Variants in MOCOS observed in about 807,000 individuals in gnomAD.
The protein encoded by MOCOS is human molybdenum cofactor sulfurase.
MOCOS carries 86 observed loss-of-function variants against 83.6 expected under a neutral mutation model. That is an observed-to-expected ratio of 1.03 (90% CI 0.86 to 1.23). MOCOS has a LOEUF of 1.23. Ranked by LOEUF, MOCOS falls within the 50% of genes most tolerant of loss-of-function variation. MOCOS has a pLI of 0.00. For missense variants in MOCOS, 1,120 were observed against 1,126.9 expected (o/e 0.99, Z 0.09); for synonymous variants, 445 against 434.7 (o/e 1.02, Z -0.29).
At position 36,256,948 on chromosome 18, in the gene MOCOS, A is replaced by C. The variant is rs766563889; in HGVS notation, c.2165-20A>C. On this transcript the variant is annotated intron_variant, in intron 11 of 14. Coordinates refer to ENST00000261326, the MANE Select transcript of MOCOS (RefSeq NM_017947.4). Reference sequence around the variant, plus strand: ...ATTCTGAGAAAGCAACTCTTCTTTTAAATGCTCCATCATTTTCAGATCAAC... The same window carrying C: ...ATTCTGAGAAAGCAACTCTTCTTTTCAATGCTCCATCATTTTCAGATCAAC... 6.3e-7 allele frequency: 1 copy of C among 1,590,320 alleles called. No individual in the cohort carries two copies. The highest frequency in any genetic ancestry group is 1.1e-5 in the South Asian group (1 of 90,638).
At chr18:36,201,677 A>AAAAAAAAAAAC (rs2091415469) in intron 4 of MOCOS, among the ~76,000 whole-genome samples, 1 of 151,146 alleles carries the variant, frequency 6.6e-6, no homozygotes, top group Non-Finnish European at 1.5e-5. Flanking sequence ...AAAAAAAAAA[A>AAAAAAAAAAAC]AAGAAATGAT....
intron 9 of MOCOS, among the ~76,000 whole-genome samples, chr18:36,224,954 C>T (rs1304335110): frequency 6.6e-6 from 1 of 152,110 alleles, no homozygotes; most frequent in Non-Finnish European, 1.5e-5. Context: ...TAGGTTTGCT[C>T]AGGCTTTATT....
intron 10 of MOCOS, among the ~76,000 whole-genome samples, chr18:36,250,843 A>G (rs2091619157): frequency 6.6e-6 from 1 of 152,204 alleles, no homozygotes; most frequent in Non-Finnish European, 1.5e-5. Flanking sequence ...TCTGAAAGCA[A>G]CATATCACTC....
chr18:36,208,479 G>A (rs189429781), intron 6 of MOCOS, among the ~76,000 whole-genome samples: 9 of 151,976 alleles, frequency 5.9e-5, no homozygotes, highest in East Asian at 1.9e-4. Flanking sequence ...TTCTTTTAGC[G>A]GTATTCTGTA....
chr18:36,205,895 A>T (rs1313454201), intron 6 of MOCOS, among the ~76,000 whole-genome samples: 1 of 151,908 alleles, frequency 6.6e-6, no homozygotes, highest in Non-Finnish European at 1.5e-5. Flanking sequence ...ACACACCACC[A>T]CACCTGGCTA....
chr18:36,254,864 A>G (rs1388432701), intron 11 of MOCOS, among the ~76,000 whole-genome samples: 3 of 151,998 alleles, frequency 2.0e-5, no homozygotes, highest in Non-Finnish European at 4.4e-5. Context: ...GTGCTAGGAA[A>G]TTTCTTCTGC....
In MOCOS at chr18:36,215,349, G is replaced by A. The variant is rs148026809; in HGVS notation, c.1336-167G>A. On this transcript the variant is annotated intron_variant, in intron 7 of 14. Transcript: ENST00000261326. ...AATGAGATCCAGAAAGTGGTCCCCT[G>A]CAGGTAGAGAGCTGAACTATGTCCC... 1.0e-3 allele frequency among the ~76,000 whole-genome samples: 154 copies of A among 152,304 alleles called. 1 individual carries two copies. Among genetic ancestry groups the A allele is most frequent in the East Asian group, 9.6e-4 (5 of 5,184 alleles).
intron 9 of MOCOS, among the ~76,000 whole-genome samples, chr18:36,222,453 T>C (rs1286146397): frequency 6.6e-6 from 1 of 152,198 alleles, no homozygotes; most frequent in East Asian, 1.9e-4. Context: ...GGTAGAGTGA[T>C]ATCTCATTTT....
chr18:36,189,840 C>G (rs1023610706), intron 1 of MOCOS: 1 of 152,174 alleles, frequency 6.6e-6, no homozygotes, highest in African/African-American at 2.4e-5. Flanking sequence ...ACCTGTGTCC[C>G]GAGCATTGGA....
At chr18:36,202,425 C>T (rs1282329237) in intron 4 of MOCOS, among the ~76,000 whole-genome samples, 1 of 152,030 alleles carries the variant, frequency 6.6e-6, no homozygotes, top group Non-Finnish European at 1.5e-5. Context: ...AACTCTTGGC[C>T]TCAAGTGATC....
chr18:36,237,504 C>G (rs2091563936), intron 9 of MOCOS, among the ~76,000 whole-genome samples: 1 of 152,188 alleles, frequency 6.6e-6, no homozygotes, highest in Non-Finnish European at 1.5e-5. Context: ...GGTGGATAAG[C>G]TTTTTGATGT....
intron 13 of MOCOS, among the ~76,000 whole-genome samples, chr18:36,266,203 T>G (rs1253377195): frequency 1.3e-5 from 2 of 152,200 alleles, no homozygotes; most frequent in East Asian, 3.9e-4. Context: ...TGGTGCGTTC[T>G]TGGCTTACTG....
In MOCOS at chr18:36,187,659, G is replaced by T; in HGVS notation, c.120G>T (p.Ala40=). The T allele has an allele frequency of 3.2e-6, 4 of 1,257,676 alleles. No homozygotes were observed. The allele number at this position is 1,257,676 out of a possible 1,614,324, so 77.9% of individuals were successfully genotyped here. Residue 40 remains alanine, a synonymous_variant, in exon 1 of 15, where the codon GCG becomes GCT. Coordinates refer to ENST00000261326, the MANE Select transcript of MOCOS (RefSeq NM_017947.4). ...CGGGCAGCCTGCGCGAGCTGCGGGC[G>T]CGCGAGTTCAGCCGCCTGGCAGGTG... ...YGPGSLRELR[A]REFSRLAGTV...
In MOCOS at chr18:36,191,891, C is replaced by T. The variant is rs2091367784; in HGVS notation, c.143-3366C>T. On this transcript the variant is annotated intron_variant, in intron 1 of 14. Coordinates refer to ENST00000261326, the MANE Select transcript of MOCOS (RefSeq NM_017947.4). ...CCAGCACTTAGAACAATGCCTGACA[C>T]ATAGTAGGTGCTCAATAAATATTTC... Among the ~76,000 whole-genome samples, 4 of 152,206 alleles carry T rather than the reference C, an allele frequency of 2.6e-5. No individual in the cohort carries two copies. The South Asian group carries it at 8.3e-4, about 32-fold the overall frequency.
At chr18:36,247,862 C>A (rs2091608102) in intron 9 of MOCOS, among the ~76,000 whole-genome samples, 1 of 152,244 alleles carries the variant, frequency 6.6e-6, no homozygotes, top group African/African-American at 2.4e-5. Flanking sequence ...CAGTGTGAGT[C>A]TCTACATGCT....
chr18:36,230,115 C>A (rs1296848339), intron 9 of MOCOS, among the ~76,000 whole-genome samples: 6 of 152,122 alleles, frequency 3.9e-5, no homozygotes, highest in Non-Finnish European at 4.4e-5. Context: ...AGACATCTTG[C>A]TCTGTCACCC....
At chr18:36,268,428 T>C (rs2091688532) in intron 14 of MOCOS, 105 bp from the exon 15 acceptor site, 1 of 1,434,920 alleles carries the variant, frequency 7.0e-7, no homozygotes, top group Non-Finnish European at 9.7e-7. Flanking sequence ...AGTATATGTC[T>C]TTAAAAATCT....
At chr18:36,212,911 G>A (rs1391428976) in intron 6 of MOCOS, among the ~76,000 whole-genome samples, 7 of 152,224 alleles carry the variant, frequency 4.6e-5, no homozygotes, top group Non-Finnish European at 7.3e-5. Context: ...GGAGGAACTG[G>A]AGCAAACATC....
chr18:36,207,645 T>C (rs1222356564), intron 6 of MOCOS, among the ~76,000 whole-genome samples: 1 of 152,202 alleles, frequency 6.6e-6, no homozygotes, highest in East Asian at 1.9e-4. Flanking sequence ...AATGGGGTTC[T>C]TTGTTTTTTG....
Sources: allele counts gnomAD v4.1 joint callset (sites outside exome capture counted in the v4.1 genomes callset), GRCh38; gene constraint gnomAD v4.1.1; transcripts MANE v1.5; gene names NCBI Gene and HGNC (gene_info 2026-07-23, HGNC 2026-07-21).